ALCAM: variants seen among roughly 807,000 people sequenced by gnomAD.
ALCAM encodes the protein CD166 antigen.
In ALCAM, 30 loss-of-function variants were observed where a neutral mutation model predicts 70.9. The ratio of observed to expected loss-of-function variants is 0.42; its 90% confidence interval spans 0.32 to 0.57. The LOEUF (loss-of-function observed/expected upper bound fraction) is 0.57, where lower values mean the gene tolerates loss of function less well. Ranked by LOEUF, ALCAM falls within the 20% of genes least tolerant of loss-of-function variation. ALCAM has a pLI of 0.11. For missense variants in ALCAM, 591 were observed against 695.1 expected (o/e 0.85, Z 1.68); for synonymous variants, 249 against 242.5 (o/e 1.03, Z -0.25).
intron 3 of ALCAM, among the ~76,000 whole-genome samples, chr3:105,528,314 C>T (rs1014758835): frequency 6.6e-6 from 1 of 152,122 alleles, no homozygotes; most frequent in Non-Finnish European, 1.5e-5. Flanking sequence ...ATGTTCATAG[C>T]TCTTACTAGC....
intron 3 of ALCAM, chr3:105,525,474 T>A (rs2152624745): frequency 1.9e-6 from 1 of 521,216 alleles, no homozygotes; most frequent in African/African-American, 2.1e-5. Flanking sequence ...TGCCAGTCTT[T>A]CAGTCTTTTT....
intron 1 of ALCAM, among the ~76,000 whole-genome samples, chr3:105,431,901 C>A (rs138709469): frequency 1.3e-5 from 2 of 152,248 alleles, no homozygotes; most frequent in Admixed American, 1.3e-4. Context: ...ATTCTGCACT[C>A]ATTTTAGATT....
At chr3:105,453,099 G>T (rs1937475167) in intron 1 of ALCAM, among the ~76,000 whole-genome samples, 2 of 152,094 alleles carry the variant, frequency 1.3e-5, no homozygotes, top group African/African-American at 4.8e-5. Flanking sequence ...TGTCAATTTT[G>T]GCTTTTGTTG....
chr3:105,569,671 C>A (rs1335851282), intron 14 of ALCAM, among the ~76,000 whole-genome samples: 1 of 152,080 alleles, frequency 6.6e-6, no homozygotes, highest in Non-Finnish European at 1.5e-5. Flanking sequence ...GGATGCCTAC[C>A]ATGTTCTAGT....
At chr3:105,375,721 A>G (rs1320271262) in intron 1 of ALCAM, among the ~76,000 whole-genome samples, 1 of 152,194 alleles carries the variant, frequency 6.6e-6, no homozygotes, top group Admixed American at 6.5e-5. Flanking sequence ...CTGTTCTTCT[A>G]TGAGATTTCT....
At chr3:105,464,959 C>T (rs1937673669) in intron 1 of ALCAM, among the ~76,000 whole-genome samples, 1 of 151,374 alleles carries the variant, frequency 6.6e-6, no homozygotes, top group Admixed American at 6.6e-5. Flanking sequence ...GTACCCAGCG[C>T]ATAGAAAACC....
At chr3:105,568,067 T>A (rs66537627) in intron 14 of ALCAM, among the ~76,000 whole-genome samples, 10,217 of 136,836 alleles carry the variant, frequency 0.075, 443 homozygotes, top group African/African-American at 0.13. Context: ...TATTTTATTT[T>A]TTTTTTTTTT....
intron 4 of ALCAM, among the ~76,000 whole-genome samples, chr3:105,532,299 C>T (rs1939859540): frequency 6.6e-6 from 1 of 152,064 alleles, no homozygotes; most frequent in African/African-American, 2.4e-5. Context: ...GAGTCTTTCT[C>T]ATTTGAATTA....
chr3:105,388,163 G>A (rs1258214286), intron 1 of ALCAM, among the ~76,000 whole-genome samples: 1 of 151,558 alleles, frequency 6.6e-6, no homozygotes, highest in East Asian at 1.9e-4. Context: ...TTTTGGGAGA[G>A]TATAATGTTA....
chr3:105,433,125 A>G lies in ALCAM; in HGVS notation c.73+65644A>G, dbSNP rs530873781. On this transcript the variant is annotated intron_variant, in intron 1 of 15. Coordinates refer to ENST00000306107, the MANE Select transcript of ALCAM (RefSeq NM_001627.4). ...ATGAAAACTCTTGCTTATGGCTATA[A>G]TAATCAGGCTACAAGGATTTCTAAG... Among the ~76,000 whole-genome samples, 3 of 152,252 alleles carry G rather than the reference A, an allele frequency of 2.0e-5. No individual in the cohort carries two copies. The South Asian group carries it at 6.2e-4, about 32-fold the overall frequency.
At chr3:105,451,564 T>C (rs1164272732) in intron 1 of ALCAM, among the ~76,000 whole-genome samples, 3 of 151,704 alleles carry the variant, frequency 2.0e-5, no homozygotes, top group African/African-American at 7.3e-5. Flanking sequence ...AGAAAGCAGG[T>C]CTACAAAACA....
intron 15 of ALCAM, among the ~76,000 whole-genome samples, chr3:105,574,136 GA>G (rs1415802232): frequency 6.6e-6 from 1 of 151,924 alleles, no homozygotes; most frequent in Non-Finnish European, 1.5e-5. Flanking sequence ...ACTTCTCAAT[GA>G]AAAACTGTAC....
At chr3:105,380,745 C>T (rs573674620) in intron 1 of ALCAM, among the ~76,000 whole-genome samples, 50 of 151,856 alleles carry the variant, frequency 3.3e-4, no homozygotes, top group Non-Finnish European at 5.7e-4. Context: ...TAAATGAAAT[C>T]GTCCAATTCT....
At chr3:105,380,022 C>A (rs1297404542) in intron 1 of ALCAM, among the ~76,000 whole-genome samples, 1 of 151,682 alleles carries the variant, frequency 6.6e-6, no homozygotes, top group East Asian at 1.9e-4. Flanking sequence ...TAAAATAATG[C>A]ATGTTTTCAT....
chr3:105,431,946 A>G (rs995653230), intron 1 of ALCAM, among the ~76,000 whole-genome samples: 1 of 152,194 alleles, frequency 6.6e-6, no homozygotes, highest in African/African-American at 2.4e-5. Context: ...GCTTTTTAAC[A>G]GAGTATGTTT....
intron 2 of ALCAM, among the ~76,000 whole-genome samples, chr3:105,521,780 TGAG>T (rs1939551882): frequency 6.6e-6 from 1 of 152,156 alleles, no homozygotes; most frequent in Non-Finnish European, 1.5e-5. Context: ...TATGCTCGTG[TGAG>T]TGGGAAATGA....
Position 105,524,466 on chromosome 3 carries a change from G to A in ALCAM, c.352G>A (p.Glu118Lys), listed in dbSNP as rs368056953. ...GAGATTTGTGTGCATGCTAGTAACT[G>A]AGGACAACGTGTTTGAGGCACCTAC... ...EKRFVCMLVT[E>K]DNVFEAPTIV... The change falls in exon 3 of 16, where the codon GAG (glutamate) becomes AAG (lysine). Residue 118 changes from glutamate to lysine, a missense_variant. Coordinates refer to ENST00000306107, the MANE Select transcript of ALCAM (RefSeq NM_001627.4). The A allele has an allele frequency of 6.2e-6, 10 of 1,613,966 alleles. No individual in the cohort carries two copies. The highest frequency in any genetic ancestry group is 8.5e-6 in the Non-Finnish European group (10 of 1,179,968).
At chr3:105,509,999 A>G (rs9288809) in intron 1 of ALCAM, among the ~76,000 whole-genome samples, 72,262 of 151,824 alleles carry the variant, frequency 0.48, 17,780 homozygotes, top group East Asian at 0.8. Flanking sequence ...TTCATAGTCT[A>G]CTAATGTCAG....
Position 105,424,715 on chromosome 3 carries a change from T to C in ALCAM, c.73+57234T>C, listed in dbSNP as rs926836958. ...ACAAGATTAGCAAGACAAGTGAGGATGATTTTGTAGGAATCTAGGTGTGAG... is the reference window on the plus strand; with the variant it reads ...ACAAGATTAGCAAGACAAGTGAGGACGATTTTGTAGGAATCTAGGTGTGAG... On this transcript the variant is annotated intron_variant, in intron 1 of 15. Coordinates refer to ENST00000306107, the MANE Select transcript of ALCAM (RefSeq NM_001627.4). 2.0e-5 allele frequency among the ~76,000 whole-genome samples: 3 copies of C among 151,748 alleles called. No homozygotes were observed. In the Admixed American group the frequency reaches 2.0e-4, roughly 10 times the overall value.
Sources: gnomAD v4.1 joint callset for allele counts (sites outside exome capture counted in the v4.1 genomes callset) on GRCh38, gnomAD v4.1.1 for gene constraint, MANE v1.5 for transcripts, NCBI Gene and HGNC (gene_info 2026-07-23, HGNC 2026-07-21) for gene names.